GLRB: variants seen among roughly 807,000 people sequenced by gnomAD.
GLRB encodes the protein glycine receptor beta, also known as glycine receptor subunit beta.
GLRB carries 33 observed loss-of-function variants against 54.2 expected under a neutral mutation model. The observed-to-expected ratio is 0.61, with a 90% CI of 0.46 to 0.81. GLRB has a LOEUF of 0.81. GLRB is among the 40% of genes least tolerant of loss of function. GLRB has a pLI of 0.00. For synonymous variants in GLRB, 209 were observed against 208.2 expected, an observed-to-expected ratio of 1.00 and a Z score of -0.03; for missense variants, 572 against 584.6, an observed-to-expected ratio of 0.98 and a Z score of 0.22.
chr4:157,113,604 T>C (rs1263533267), intron 2 of GLRB, among the ~76,000 whole-genome samples: 1 of 151,998 alleles, frequency 6.6e-6, no homozygotes, highest in East Asian at 1.9e-4. Context: ...TTCTACTTTA[T>C]GCAAAATATT....
intron 4 of GLRB, among the ~76,000 whole-genome samples, chr4:157,134,443 T>C (rs1736327218): frequency 6.6e-6 from 1 of 151,992 alleles, no homozygotes; most frequent in African/African-American, 2.4e-5. Context: ...TGAGCTGTGA[T>C]AGTTTCACTG....
chr4:157,151,622 A>G (rs1296013621), intron 8 of GLRB, among the ~76,000 whole-genome samples: 6 of 152,202 alleles, frequency 3.9e-5, no homozygotes, highest in Admixed American at 3.9e-4. Flanking sequence ...AATGCAAAAA[A>G]CACTTTTCAG....
chr4:157,086,691 A>C (rs540488805), intron 2 of GLRB, among the ~76,000 whole-genome samples: 1 of 152,362 alleles, frequency 6.6e-6, no homozygotes, highest in South Asian at 2.1e-4. Context: ...AAACAGAGGA[A>C]GATAAGTTCA....
At chr4:157,156,938 C>G (rs747725193) in intron 9 of GLRB, among the ~76,000 whole-genome samples, 12 of 152,158 alleles carry the variant, frequency 7.9e-5, no homozygotes, top group Non-Finnish European at 8.8e-5. Flanking sequence ...TTCTCTGGCT[C>G]TGTTCTGTCA....
At chr4:157,151,694 A>G (rs532355157) in intron 8 of GLRB, among the ~76,000 whole-genome samples, 1 of 152,140 alleles carries the variant, frequency 6.6e-6, no homozygotes, top group Non-Finnish European at 1.5e-5. Context: ...TAATACTAAT[A>G]TAGTGTTTGT....
At chr4:157,078,224 A>G in intron 2 of GLRB, 78 bp downstream of exon 2, 1 of 1,590,482 alleles carries the variant, frequency 6.3e-7, no homozygotes, top group East Asian at 2.3e-5. Flanking sequence ...GTTTATGAAG[A>G]CACACATCAA....
intron 2 of GLRB, among the ~76,000 whole-genome samples, chr4:157,106,246 T>G (rs554787439): frequency 1.3e-5 from 2 of 152,114 alleles, no homozygotes; most frequent in African/African-American, 4.8e-5. Context: ...GTATGATATT[T>G]TTTGCAGAAA....
intron 2 of GLRB, among the ~76,000 whole-genome samples, chr4:157,079,054 G>C (rs1457487952): frequency 6.6e-6 from 1 of 152,140 alleles, no homozygotes; most frequent in African/African-American, 2.4e-5. Context: ...GATTACAGGC[G>C]TGGTTCACCG....
intron 2 of GLRB, among the ~76,000 whole-genome samples, chr4:157,106,593 T>C (rs1232293438): frequency 1.3e-5 from 2 of 151,692 alleles, no homozygotes; most frequent in East Asian, 3.9e-4. Context: ...CTCTCTCTCT[T>C]TTTTTTTCCT....
At chr4:157,080,547 CA>C (rs1235336790) in intron 2 of GLRB, among the ~76,000 whole-genome samples, 1 of 152,066 alleles carries the variant, frequency 6.6e-6, no homozygotes, top group Non-Finnish European at 1.5e-5. Flanking sequence ...TCTATCATAT[CA>C]AATTTATTTC....
At chr4:157,140,696 T>G (rs774113828) in intron 7 of GLRB, among the ~76,000 whole-genome samples, 2 of 151,610 alleles carry the variant, frequency 1.3e-5, no homozygotes, top group Non-Finnish European at 3.0e-5. Flanking sequence ...GGAGAGGGAG[T>G]CTGATACTGT....
At chr4:157,153,746 G>A (rs535655049) in intron 9 of GLRB, among the ~76,000 whole-genome samples, 2 of 152,292 alleles carry the variant, frequency 1.3e-5, no homozygotes, top group Non-Finnish European at 2.9e-5. Flanking sequence ...TTCTGGATGG[G>A]TGGACCAGTC....
chr4:157,086,053 A>C (rs960904610), intron 2 of GLRB, among the ~76,000 whole-genome samples: 2 of 152,056 alleles, frequency 1.3e-5, no homozygotes, highest in Non-Finnish European at 2.9e-5. Flanking sequence ...TGCAACCTCA[A>C]ACTCCTGGTG....
At chr4:157,079,664 C>T (rs1482569788) in intron 2 of GLRB, among the ~76,000 whole-genome samples, 1 of 152,090 alleles carries the variant, frequency 6.6e-6, no homozygotes, top group Non-Finnish European at 1.5e-5. Context: ...CAGCTGGGAA[C>T]AATGGAGGCA....
chr4:157,124,947 A>G (rs1735963967), intron 4 of GLRB, among the ~76,000 whole-genome samples: 1 of 151,870 alleles, frequency 6.6e-6, no homozygotes, highest in African/African-American at 2.4e-5. Flanking sequence ...ATATCATTTT[A>G]CAGTCATATT....
rs535510238 is a variant in GLRB at position 157,164,967 on chromosome 4, A to G, written c.1198-5465A>G. ...ATTCTCTATGTTTTTAACTGCTCAT[A>G]GAAACACACTTGTTTGAATTCTGAA... On this transcript the variant is annotated intron_variant, in intron 9 of 9. Coordinates refer to ENST00000264428, the MANE Select transcript of GLRB (RefSeq NM_000824.5). 1.5e-3 allele frequency among the ~76,000 whole-genome samples: 225 copies of G among 152,332 alleles called. 1 individual carries two copies. Among genetic ancestry groups the G allele is most frequent in the South Asian group, 7.7e-3 (37 of 4,830 alleles).
At chr4:157,131,034 AT>A (rs147433184) in intron 4 of GLRB, among the ~76,000 whole-genome samples, 1 of 151,428 alleles carries the variant, frequency 6.6e-6, no homozygotes, top group Non-Finnish European at 1.5e-5. Flanking sequence ...GTCTTGAAGA[AT>A]TTTTTTTCTA....
At chr4:157,159,964 G>T (rs1360557941) in intron 9 of GLRB, among the ~76,000 whole-genome samples, 2 of 152,060 alleles carry the variant, frequency 1.3e-5, no homozygotes, top group Non-Finnish European at 2.9e-5. Flanking sequence ...ATCTGGTCCT[G>T]GACTTTTTTT....
chr4:157,161,803 T>C (rs1035798454), intron 9 of GLRB, among the ~76,000 whole-genome samples: 1 of 152,218 alleles, frequency 6.6e-6, no homozygotes, highest in Non-Finnish European at 1.5e-5. Flanking sequence ...CTGACAATTA[T>C]GTGTCTTGGA....
Sources: allele counts gnomAD v4.1 joint callset (sites outside exome capture counted in the v4.1 genomes callset), GRCh38; gene constraint gnomAD v4.1.1; transcripts MANE v1.5; gene names NCBI Gene and HGNC (gene_info 2026-07-23, HGNC 2026-07-21).